ZNF141: variants seen among roughly 807,000 people sequenced by gnomAD.
ZNF141 encodes the protein zinc finger protein 141, also known as zinc finger protein 141 (clone pHZ-44).
Under a neutral mutation model 11.3 loss-of-function variants are expected in ZNF141, and 7 were observed. That is an observed-to-expected ratio of 0.62 (90% CI 0.35 to 1.16). ZNF141 has a LOEUF of 1.16. ZNF141 is among the 50% of genes most tolerant of loss of function. The pLI, the probability that ZNF141 is intolerant of heterozygous loss-of-function variation, is 0.02. For synonymous variants in ZNF141, 183 were observed against 190.7 expected (o/e 0.96, Z 0.33); for missense variants, 535 against 554.0 (o/e 0.97, Z 0.34).
intron 3 of ZNF141, among the ~76,000 whole-genome samples, chr4:351,519 T>C (rs568469126): frequency 6.6e-6 from 1 of 152,310 alleles, no homozygotes; most frequent in South Asian, 2.1e-4. Context: ...CAACCATGCC[T>C]GGCCGGAGAA....
At chr4:341,929 C>G (rs955865943) in intron 1 of ZNF141, among the ~76,000 whole-genome samples, 10 of 152,236 alleles carry the variant, frequency 6.6e-5, no homozygotes, top group Non-Finnish European at 1.0e-4. Flanking sequence ...AACCTGTTCT[C>G]TATCCCTGCA....
chr4:353,840 G>A (rs1044629098), intron 3 of ZNF141, among the ~76,000 whole-genome samples: 2 of 152,126 alleles, frequency 1.3e-5, no homozygotes, highest in African/African-American at 4.8e-5. Flanking sequence ...AGGGGACTGA[G>A]GACTTAAAGG....
chr4:338,700 C>G (rs1720909606), intron 1 of ZNF141: 1 of 153,366 alleles, frequency 6.5e-6, no homozygotes, highest in Non-Finnish European at 1.5e-5. Flanking sequence ...AGACGGGTGT[C>G]CAGAGGCAGG....
rs1702559858 is a variant in ZNF141 at position 381,271 on chromosome 4, A to C, written c.*7409A>C. ...ACACTGGCTCCCCAAATAGGTTTTT[A>C]TTTGTTTATAAAACTTTAAATTTAT... On this transcript the variant is annotated 3_prime_UTR_variant, in exon 4 of 4. Transcript: ENST00000240499. Among the ~76,000 whole-genome samples, 1 of 152,072 alleles carries C rather than the reference A, an allele frequency of 6.6e-6. No individual in the cohort carries two copies. Among genetic ancestry groups the C allele is most frequent in the East Asian group, 1.9e-4 (1 of 5,168 alleles).
chr4:353,746 G>C (rs1721717509), intron 3 of ZNF141, among the ~76,000 whole-genome samples: 1 of 152,066 alleles, frequency 6.6e-6, no homozygotes, highest in Admixed American at 6.6e-5. Flanking sequence ...ACAAGCATGA[G>C]CCACCACTCC....
rs1165842196 is a variant in ZNF141, at chr4:382,443, A to T, written c.*8581A>T. 5.9e-5 allele frequency among the ~76,000 whole-genome samples: 9 copies of T among 152,206 alleles called. No individual in the cohort carries two copies. The highest frequency in any genetic ancestry group is 4.4e-5 in the Non-Finnish European group (3 of 68,044). On this transcript the variant is annotated 3_prime_UTR_variant, in exon 4 of 4. Transcript: ENST00000240499. ...AAGTTGATTCAGGAACAGTAATTTG[A>T]CTTTGTCTATATTAAAAATCATAAA...
rs1553853931 is a variant in ZNF141, at chr4:373,321, C to G, written c.884C>G (p.Ser295Cys). 6.2e-7 allele frequency: 1 copy of G among 1,613,762 alleles called. No individual in the cohort carries two copies. The highest frequency in any genetic ancestry group is 1.1e-5 in the South Asian group (1 of 91,042). Residue 295 changes from serine (S) to cysteine (C), a missense_variant, in exon 4 of 4, where the codon TCC (serine) becomes TGC (cysteine). By Grantham distance (112) the Ser-to-Cys change is moderately radical (BLOSUM62 -1). Transcript: ENST00000240499. ...CEECRKIFTS[S>C]SNFAKHKRIH... ...GAATGTAGGAAAATCTTTACCTCAT[C>G]CTCAAACTTTGCCAAACATAAGCGA...
Position 380,120 on chromosome 4 carries a change from G to A in ZNF141, c.*6258G>A, listed in dbSNP as rs1022323902. 2.0e-5 allele frequency among the ~76,000 whole-genome samples: 3 copies of A among 152,144 alleles called. No homozygotes were observed. The highest frequency in any genetic ancestry group is 7.2e-5 in the African/African-American group (3 of 41,430). ...TCTCTGGCTTATTTCACTTAGCATA[G>A]TGTCTTCCACATTTATCCACATTGT... is the stretch of plus-strand genomic sequence containing the variant. On this transcript the variant is annotated 3_prime_UTR_variant, in exon 4 of 4. Transcript: ENST00000240499.
intron 3 of ZNF141, among the ~76,000 whole-genome samples, chr4:355,275 G>A (rs1721790202): frequency 1.3e-5 from 2 of 151,740 alleles, no homozygotes; most frequent in East Asian, 1.9e-4. Context: ...CCACAACCTC[G>A]GTTCACCACA....
chr4:374,369 C>A lies in ZNF141; in HGVS notation c.*507C>A. 2.8e-6 allele frequency: 1 copy of A among 359,134 alleles called. No individual in the cohort carries two copies. The highest frequency in any genetic ancestry group is 3.4e-5 in the Admixed American group (1 of 29,386). The allele number at this position is 359,134 out of a possible 1,614,324, so 22.2% of individuals were successfully genotyped here. A position where few individuals can be genotyped will look rare whatever the true frequency, so the allele number is the denominator to read the frequency against. On this transcript the variant is annotated 3_prime_UTR_variant, in exon 4 of 4. Transcript: ENST00000240499. Reference sequence around the variant, plus strand: ...AGTGAATTCATGCTGGAGCAAAATGCTTCACATGCGAAGAATGTGGCACAG... The same window carrying A: ...AGTGAATTCATGCTGGAGCAAAATGATTCACATGCGAAGAATGTGGCACAG...
chr4:338,161 GGCC>G, intron 1 of ZNF141, 175 bp downstream of exon 1: 1 of 733,898 alleles, frequency 1.4e-6, no homozygotes, highest in South Asian at 1.8e-5. Context: ...CAGCGGCTCT[GGCC>G]CAGCCTGCAG....
chr4:378,522 C>T lies in ZNF141; in HGVS notation c.*4660C>T, dbSNP rs183963274. Among the ~76,000 whole-genome samples the T allele has an allele frequency of 5.2e-3, 791 of 152,166 alleles. 5 individuals are homozygous for T. The highest frequency in any genetic ancestry group is 0.018 in the African/African-American group (747 of 41,522). On this transcript the variant is annotated 3_prime_UTR_variant, in exon 4 of 4. Transcript: ENST00000240499. Reference sequence around the variant, plus strand: ...TGACCTCATGATCTGCCTGCCTTGGCCTCCTGAAGTACTGGGATTACAGGC... The same window carrying T: ...TGACCTCATGATCTGCCTGCCTTGGTCTCCTGAAGTACTGGGATTACAGGC...
rs761229825 is a variant in ZNF141, at chr4:371,324, C to T, written c.227-1340C>T. ...TTGGCTCACTGCAACCTCCACCTCC[C>T]GGGTTCAAGCAATTCTCCTGCCTCA... On this transcript the variant is annotated intron_variant, in intron 3 of 3. Transcript: ENST00000240499. 4.9e-4 allele frequency among the ~76,000 whole-genome samples: 74 copies of T among 150,864 alleles called. 3 individuals carry two copies. Among genetic ancestry groups the T allele is most frequent in the East Asian group, 7.9e-4 (4 of 5,068 alleles).
At chr4:360,413 A>G (rs1197394958) in intron 3 of ZNF141, among the ~76,000 whole-genome samples, 1 of 152,214 alleles carries the variant, frequency 6.6e-6, no homozygotes, top group Non-Finnish European at 1.5e-5. Context: ...ATTTGCTTTT[A>G]TTGCGGCGCA....
At chr4:360,839 C>G (rs574732949) in intron 3 of ZNF141, among the ~76,000 whole-genome samples, 7 of 152,034 alleles carry the variant, frequency 4.6e-5, no homozygotes, top group Non-Finnish European at 8.8e-5. Flanking sequence ...TTTCTATTGC[C>G]TATAAAAGTT....
intron 3 of ZNF141, among the ~76,000 whole-genome samples, chr4:349,544 C>T (rs964323363): frequency 1.4e-4 from 22 of 152,124 alleles, no homozygotes; most frequent in African/African-American, 5.3e-4. Context: ...GTCTTGTCCC[C>T]GGCTGTGGTC....
At chr4:340,331 T>C (rs1720987334) in intron 1 of ZNF141, among the ~76,000 whole-genome samples, 1 of 152,242 alleles carries the variant, frequency 6.6e-6, no homozygotes, top group African/African-American at 2.4e-5. Flanking sequence ...CTATTTGGGA[T>C]CTACAATCCC....
intron 3 of ZNF141, among the ~76,000 whole-genome samples, chr4:363,193 T>C (rs555749348): frequency 1.3e-5 from 2 of 152,326 alleles, no homozygotes; most frequent in East Asian, 3.9e-4. Flanking sequence ...ACTGGTGTTA[T>C]AGGAATGCTC....
At chr4:349,804 T>A (rs782325576) in intron 3 of ZNF141, among the ~76,000 whole-genome samples, 1 of 152,190 alleles carries the variant, frequency 6.6e-6, no homozygotes, top group South Asian at 2.1e-4. Flanking sequence ...TAGATTTCCT[T>A]GAGGATATTA....
Sources: gnomAD v4.1 joint callset for allele counts (sites outside exome capture counted in the v4.1 genomes callset) on GRCh38, gnomAD v4.1.1 for gene constraint, MANE v1.5 for transcripts, NCBI Gene and HGNC (gene_info 2026-07-23, HGNC 2026-07-21) for gene names.